KCNA3: variants seen among roughly 807,000 people sequenced by gnomAD.
KCNA3 encodes potassium voltage-gated channel subfamily A member 3.
In KCNA3, 18 loss-of-function variants were observed where a neutral mutation model predicts 34.3. The ratio of observed to expected loss-of-function variants is 0.52; its 90% CI spans 0.36 to 0.78. The LOEUF (loss-of-function observed/expected upper bound fraction) is 0.78, where lower values mean the gene tolerates loss of function less well. Ranked by LOEUF, KCNA3 falls within the 30% of genes least tolerant of loss-of-function variation. The pLI is 0.00. For synonymous variants in KCNA3, 324 were observed against 351.7 expected, an observed-to-expected ratio of 0.92 and a Z score of 0.88; for missense variants, 587 against 802.5, an observed-to-expected ratio of 0.73 and a Z score of 3.24.
At chr1:110,669,182 A>G (rs1259545870), downstream of KCNA3, among the ~76,000 whole-genome samples, 1 of 152,196 alleles carries the variant, frequency 6.6e-6, no homozygotes, top group African/African-American at 2.4e-5. Flanking sequence ...CAAAATATTT[A>G]CATGACTTTC....
chr1:110,665,583 C>A, the KCNA3 span, among the ~76,000 whole-genome samples: 1 of 152,042 alleles, frequency 6.6e-6, no homozygotes, highest in African/African-American at 2.4e-5. Flanking sequence ...GGAGACGTCA[C>A]GTAGGCAGGT....
the KCNA3 span, among the ~76,000 whole-genome samples, chr1:110,663,566 A>G: frequency 1.3e-5 from 2 of 152,314 alleles, no homozygotes; most frequent in South Asian, 2.1e-4. Flanking sequence ...GTTCCTCTCT[A>G]TTCTTATTAG....
Position 110,673,550 on chromosome 1 carries a change from C to T in KCNA3, c.1260G>A (p.Glu420=), listed in dbSNP as rs1651965747. The T allele has an allele frequency of 1.2e-6, 2 of 1,614,048 alleles. No homozygotes were observed. Among genetic ancestry groups the T allele is most frequent in the African/African-American group, 2.7e-5 (2 of 74,920 alleles). Residue 420 remains glutamate (E), a synonymous_variant, in exon 1 of 1, where the codon GAG becomes GAA. Coordinates refer to ENST00000369769, the MANE Select transcript of KCNA3 (RefSeq NM_002232.5). The surrounding 1 kb of genome is among the most constrained non-coding windows in gnomAD (Gnocchi z 8.8). ...ILFSSAVYFA[E]ADDPTSGFSS... ...TGAAACCTGAAGTGGGGTCGTCTGC[C>T]TCGGCAAAGTAGACCGCGCTGGAGA...
downstream of KCNA3, among the ~76,000 whole-genome samples, chr1:110,668,454 T>C (rs992414713): frequency 3.3e-5 from 5 of 152,206 alleles, no homozygotes; most frequent in East Asian, 1.9e-4. Flanking sequence ...TTATATACTA[T>C]AGCAAAACAA....
Position 110,673,661 on chromosome 1 carries a change from C to T in KCNA3, c.1149G>A (p.Gly383=). The change falls in exon 1 of 1, where the codon GGG becomes GGA. Residue 383 remains glycine, a synonymous_variant. Coordinates refer to ENST00000369769, the MANE Select transcript of KCNA3 (RefSeq NM_002232.5). This position sits in a 1 kb window ranked among gnomAD's most constrained non-coding sequence, Gnocchi z 8.8. ...RIFKLSRHSK[G]LQILGQTLKA... ...TCAGCGTTTGCCCGAGGATCTGCAGCCCCTTGGAGTGGCGCGACAGCTTGA... is the reference window on the plus strand; with the variant it reads ...TCAGCGTTTGCCCGAGGATCTGCAGTCCCTTGGAGTGGCGCGACAGCTTGA... 6.2e-7 allele frequency: 1 copy of T among 1,614,210 alleles called. No homozygotes were observed. Among genetic ancestry groups the T allele is most frequent in the Middle Eastern group, 1.6e-4 (1 of 6,062 alleles).
chr1:110,673,614 C>T lies in KCNA3; in HGVS notation c.1196G>A (p.Gly399Glu). 6.2e-7 allele frequency: 1 copy of T among 1,614,190 alleles called. No individual in the cohort carries two copies. The highest frequency in any genetic ancestry group is 8.5e-7 in the Non-Finnish European group (1 of 1,180,036). Residue 399 changes from glycine (G) to glutamate (E), a missense_variant, in exon 1 of 1, where the codon GGA becomes GAA. Gly to Glu is a moderately conservative substitution (Grantham distance 98). Transcript: ENST00000369769. The surrounding 1 kb of genome is among the most constrained non-coding windows in gnomAD (Gnocchi z 8.8). ...QTLKASMREL[G>E]LLIFFLFIGV... The stretch of plus-strand genomic sequence containing the variant: ...AATAAAGAGGAAGAAGATGAGCAAT[C>T]CCAGCTCCCGCATGGACGCCTTCAG...
At position 110,674,020 on chromosome 1, in the gene KCNA3, C is replaced by A. The variant is rs1651982791; in HGVS notation, c.790G>T (p.Asp264Tyr). 7 of 1,610,550 alleles carry A rather than the reference C, an allele frequency of 4.3e-6. No individual in the cohort carries two copies. The highest frequency in any genetic ancestry group is 5.9e-6 in the Non-Finnish European group (7 of 1,177,734). ...TCCTGCGACGTCGAGGCGGGGTAGT[C>A]CTTCTCGTCGCGGAACTCCGGCAGC... Reference protein sequence around the residue: ...ETLPEFRDEKDYPASTSQDSF... With the variant: ...ETLPEFRDEKYYPASTSQDSF... Residue 264 changes from aspartate (D) to tyrosine (Y), a missense_variant, in exon 1 of 1, where the codon GAC (aspartate) becomes TAC (tyrosine). Transcript: ENST00000369769. This position sits in a 1 kb window ranked among gnomAD's most constrained non-coding sequence, Gnocchi z 6.4.
downstream of KCNA3, among the ~76,000 whole-genome samples, chr1:110,668,014 A>C (rs1393339043): frequency 6.6e-6 from 1 of 152,122 alleles, no homozygotes; most frequent in Middle Eastern, 3.2e-3. Flanking sequence ...ACTTTCTCTC[A>C]AAGGTTATCA....
At chr1:110,656,055 T>C in the KCNA3 span, 1 of 152,188 alleles carries the variant, frequency 6.6e-6, no homozygotes, top group Non-Finnish European at 1.5e-5. Context: ...GTGAATATTA[T>C]TTTAAATTAT....
the KCNA3 span, among the ~76,000 whole-genome samples, chr1:110,657,752 A>G: frequency 3.9e-5 from 6 of 152,134 alleles, no homozygotes; most frequent in African/African-American, 1.4e-4. Context: ...TATTTTTGTA[A>G]CACCTACTGA....
the KCNA3 span, among the ~76,000 whole-genome samples, chr1:110,666,503 T>A: frequency 6.6e-6 from 1 of 152,100 alleles, no homozygotes; most frequent in East Asian, 1.9e-4. Flanking sequence ...AGGCTAGATA[T>A]GAGATCATGT....
At chr1:110,659,240 C>G in the KCNA3 span, among the ~76,000 whole-genome samples, 1 of 138,128 alleles carries the variant, frequency 7.2e-6, no homozygotes, top group Non-Finnish European at 1.6e-5. Flanking sequence ...GGCTTTCTTT[C>G]TGCAGCACTG....
downstream of KCNA3, among the ~76,000 whole-genome samples, chr1:110,670,121 C>T (rs1298996136): frequency 6.6e-6 from 1 of 152,124 alleles, no homozygotes; most frequent in Non-Finnish European, 1.5e-5. Flanking sequence ...AGTCAGGACT[C>T]AAATCCTGGA....
chr1:110,665,209 G>GA, the KCNA3 span, among the ~76,000 whole-genome samples: 24 of 152,220 alleles, frequency 1.6e-4, no homozygotes, highest in African/African-American at 5.8e-4. Context: ...GTTATGTTGA[G>GA]AATAGACTCA....
At chr1:110,667,406 C>T in the KCNA3 span, among the ~76,000 whole-genome samples, 1 of 152,118 alleles carries the variant, frequency 6.6e-6, no homozygotes, top group African/African-American at 2.4e-5. Context: ...TCACTATCAC[C>T]ATACTGGAAG....
In KCNA3 at chr1:110,673,214, G is replaced by C; in HGVS notation, c.1596C>G (p.Ile532Met). 1 of 1,614,062 alleles carries C rather than the reference G, an allele frequency of 6.2e-7. No individual in the cohort carries two copies. Among genetic ancestry groups the C allele is most frequent in the Non-Finnish European group, 8.5e-7 (1 of 1,180,024 alleles). Reference protein sequence around the residue: ...STLSKSEYMVIEEGGMNHSAF... With the variant: ...STLSKSEYMVMEEGGMNHSAF... ...CGCTATGGTTCATACCCCCCTCTTC[G>C]ATCACCATATACTCCGACTTACTCA... The change falls in exon 1 of 1, where the codon ATC becomes ATG. Residue 532 changes from isoleucine to methionine, a missense_variant. Transcript: ENST00000369769. This position sits in a 1 kb window ranked among gnomAD's most constrained non-coding sequence, Gnocchi z 8.8.
In KCNA3 at chr1:110,674,099, G is replaced by T. The variant is rs1230112587; in HGVS notation, c.711C>A (p.Ala237=). The T allele has an allele frequency of 6.2e-6, 10 of 1,610,186 alleles. No homozygotes were observed. Among genetic ancestry groups the T allele is most frequent in the Non-Finnish European group, 8.5e-6 (10 of 1,178,204 alleles). ...PESSGPARGI[A]IVSVLVILIS... The stretch of plus-strand genomic sequence containing the variant: ...TGAGGATGACCAGCACGGACACGAT[G>T]GCGATGCCCCGGGCCGGCCCGGAGC... Residue 237 remains alanine, a synonymous_variant, in exon 1 of 1, where the codon GCC becomes GCA. Coordinates refer to ENST00000369769, the MANE Select transcript of KCNA3 (RefSeq NM_002232.5). This position sits in a 1 kb window ranked among gnomAD's most constrained non-coding sequence, Gnocchi z 6.4.
At chr1:110,654,792 G>C in the KCNA3 span, 17 of 152,116 alleles carry the variant, frequency 1.1e-4, no homozygotes, top group African/African-American at 4.1e-4. Flanking sequence ...ATGACAAAAA[G>C]TGAATAGTAT....
At position 110,673,589 on chromosome 1, in the gene KCNA3, A is replaced by G; in HGVS notation, c.1221T>C (p.Ile407=). Residue 407 remains isoleucine, a synonymous_variant, in exon 1 of 1, where the codon ATT becomes ATC. Coordinates refer to ENST00000369769, the MANE Select transcript of KCNA3 (RefSeq NM_002232.5). This position sits in a 1 kb window ranked among gnomAD's most constrained non-coding sequence, Gnocchi z 8.8. ...CCGCGCTGGAGAAAAGGATGACCCC[A>G]ATAAAGAGGAAGAAGATGAGCAATC... The part of the protein sequence containing the change: ...ELGLLIFFLF[I]GVILFSSAVY... 5 of 1,614,164 alleles carry G rather than the reference A, an allele frequency of 3.1e-6. No individual in the cohort carries two copies. The highest frequency in any genetic ancestry group is 4.2e-6 in the Non-Finnish European group (5 of 1,180,044).
Sources: gnomAD v4.1 joint callset for allele counts (sites outside exome capture counted in the v4.1 genomes callset) on GRCh38, gnomAD v4.1.1 for gene constraint, Gnocchi (gnomAD v3.1) non-coding constraint, MANE v1.5 for transcripts, NCBI Gene and HGNC (gene_info 2026-07-23, HGNC 2026-07-21) for gene names.